PLXDC2: variants seen among roughly 807,000 people sequenced by gnomAD.
PLXDC2 encodes plexin domain containing 2.
PLXDC2 carries 40 observed loss-of-function variants against 68.9 expected under a neutral mutation model. The observed-to-expected ratio is 0.58, with a 90% CI of 0.45 to 0.76. The LOEUF (loss-of-function observed/expected upper bound fraction) is 0.76, where lower values mean the gene tolerates loss of function less well. Among genes scored for constraint, PLXDC2 ranks in the 30% least tolerant of loss-of-function variants. The probability of loss-of-function intolerance (pLI) is 0.00; values close to 1 mark genes in which losing one functional copy is unlikely to be tolerated. For missense variants in PLXDC2, 644 were observed against 661.9 expected (o/e 0.97, Z 0.30); for synonymous variants, 243 against 234.2 (o/e 1.04, Z -0.34).
chr10:19,994,774 GCT>G (rs2131632024), intron 1 of PLXDC2, among the ~76,000 whole-genome samples: 1 of 150,430 alleles, frequency 6.6e-6, no homozygotes, highest in South Asian at 2.1e-4. Flanking sequence ...ACAGAGTCTC[GCT>G]CTGTTACCCA....
At chr10:20,126,410 C>CACACGTTATATACGTATATAG (rs1564325021) in intron 4 of PLXDC2, among the ~76,000 whole-genome samples, 76 of 25,668 alleles carry the variant, frequency 3.0e-3, no homozygotes, top group African/African-American at 6.0e-3. Flanking sequence ...TATGTATATA[C>CACACGTTATATACGTATATAG]AACACACGTT....
chr10:20,000,192 T>C (rs2131636371), intron 1 of PLXDC2, among the ~76,000 whole-genome samples: 1 of 152,218 alleles, frequency 6.6e-6, no homozygotes, highest in Middle Eastern at 3.4e-3. Flanking sequence ...ATGACAATAC[T>C]GCTTAGATGT....
chr10:20,190,628 A>T (rs1295103980), intron 9 of PLXDC2, among the ~76,000 whole-genome samples: 1 of 151,294 alleles, frequency 6.6e-6, no homozygotes, highest in African/African-American at 2.4e-5. Context: ...TAAACTGAGT[A>T]TTGAGTATAA....
At chr10:19,910,672 T>C (rs905688928) in intron 1 of PLXDC2, among the ~76,000 whole-genome samples, 1 of 144,434 alleles carries the variant, frequency 6.9e-6, no homozygotes, top group Non-Finnish European at 1.5e-5. Context: ...AGGTGGAAGA[T>C]AGAACATTCC....
At chr10:20,155,941 G>A (rs141078129) in intron 6 of PLXDC2, among the ~76,000 whole-genome samples, 2,462 of 151,998 alleles carry the variant, frequency 0.016, 67 homozygotes, top group African/African-American at 0.056. Context: ...GTGCAGTGGC[G>A]CGATCTCAGC....
chr10:20,205,574 T>C (rs1296790313), intron 9 of PLXDC2, among the ~76,000 whole-genome samples: 1 of 152,114 alleles, frequency 6.6e-6, no homozygotes, highest in African/African-American at 2.4e-5. Context: ...CACATTAATA[T>C]GGTACATATA....
At chr10:20,101,605 G>C (rs888416340) in intron 4 of PLXDC2, among the ~76,000 whole-genome samples, 28 of 151,860 alleles carry the variant, frequency 1.8e-4, no homozygotes, top group African/African-American at 6.0e-4. Flanking sequence ...TTGCTTCCTG[G>C]GTTCATCATC....
At chr10:20,122,880 A>G (rs914972359) in intron 4 of PLXDC2, among the ~76,000 whole-genome samples, 1 of 152,212 alleles carries the variant, frequency 6.6e-6, no homozygotes, top group African/African-American at 2.4e-5. Context: ...TTTGAGAATA[A>G]GACGGCCTTT....
chr10:19,875,281 G>T (rs1215706890), intron 1 of PLXDC2, among the ~76,000 whole-genome samples: 1 of 152,188 alleles, frequency 6.6e-6, no homozygotes, highest in East Asian at 1.9e-4. Context: ...GATGGAGTTA[G>T]CGGCTCTTTC....
At chr10:19,973,999 TTTGA>T (rs1834405586) in intron 1 of PLXDC2, among the ~76,000 whole-genome samples, 1 of 152,242 alleles carries the variant, frequency 6.6e-6, no homozygotes, top group African/African-American at 2.4e-5. Flanking sequence ...TGATAATTAC[TTTGA>T]TTACGCTAAA....
At chr10:19,969,588 A>C (rs1246459008) in intron 1 of PLXDC2, among the ~76,000 whole-genome samples, 1 of 152,236 alleles carries the variant, frequency 6.6e-6, no homozygotes, top group East Asian at 1.9e-4. Flanking sequence ...ATTTAGTAGA[A>C]AAGCCAGGCT....
At chr10:19,974,498 A>T (rs1446513129) in intron 1 of PLXDC2, among the ~76,000 whole-genome samples, 1 of 152,238 alleles carries the variant, frequency 6.6e-6, no homozygotes, top group African/African-American at 2.4e-5. Flanking sequence ...GAAGGGAAAA[A>T]TAAATTGCTC....
chr10:20,121,439 CAT>C (rs1380921576), intron 4 of PLXDC2, among the ~76,000 whole-genome samples: 1 of 152,110 alleles, frequency 6.6e-6, no homozygotes, highest in Non-Finnish European at 1.5e-5. Flanking sequence ...AGGGAAAGCA[CAT>C]GTGTTTTTAT....
At chr10:20,039,986 A>C (rs1374159572) in intron 2 of PLXDC2, among the ~76,000 whole-genome samples, 1 of 152,204 alleles carries the variant, frequency 6.6e-6, no homozygotes. Context: ...CAACCAGCTG[A>C]ATCGACCTTT....
At chr10:20,026,859 T>C (rs1298168993) in intron 2 of PLXDC2, among the ~76,000 whole-genome samples, 1 of 146,328 alleles carries the variant, frequency 6.8e-6, no homozygotes, top group East Asian at 2.0e-4. Context: ...TATATTCTAA[T>C]ATATAGAATA....
At chr10:20,112,085 T>C (rs942769828) in intron 4 of PLXDC2, among the ~76,000 whole-genome samples, 17 of 152,136 alleles carry the variant, frequency 1.1e-4, no homozygotes, top group African/African-American at 4.1e-4. Flanking sequence ...CAAGAAGGTC[T>C]GTGTCCTCTG....
chr10:19,900,981 A>ATGTG (rs71388879), intron 1 of PLXDC2, among the ~76,000 whole-genome samples: 1,953 of 144,530 alleles, frequency 0.014, 12 homozygotes, highest in African/African-American at 0.022. Context: ...TATATGTGTG[A>ATGTG]TGTGTGTGTG....
intron 7 of PLXDC2, 106 bp downstream of exon 7, chr10:20,164,673 C>T (rs556912044): frequency 4.1e-5 from 34 of 822,644 alleles, no homozygotes; most frequent in Non-Finnish European, 5.7e-5. Context: ...AATAGCTAAT[C>T]GATTAGCTGA....
chr10:19,816,993 G>A lies in PLXDC2; in HGVS notation c.-87G>A, dbSNP rs936354852. ...GGTCCTACCGAGACCGATCCGCAGC[G>A]TTTGGCCCGGTCGTGCCTATTGCAT... On this transcript the variant is annotated 5_prime_UTR_variant, in exon 1 of 14. Transcript: ENST00000377252. The A allele has an allele frequency of 7.2e-6, 7 of 968,400 alleles. No individual in the cohort carries two copies. In the African/African-American group the frequency reaches 9.7e-5, roughly 13 times the overall value. The allele number at this position is 968,400 out of a possible 1,614,324, so 60.0% of individuals were successfully genotyped here. A position where few individuals can be genotyped will look rare whatever the true frequency, so the allele number is the denominator to read the frequency against.
Sources: allele counts gnomAD v4.1 joint callset (sites outside exome capture counted in the v4.1 genomes callset), GRCh38; gene constraint gnomAD v4.1.1; transcripts MANE v1.5; gene names NCBI Gene and HGNC (gene_info 2026-07-23, HGNC 2026-07-21).